SGMS1: variants seen among roughly 807,000 people sequenced by gnomAD.
SGMS1 encodes phosphatidylcholine:ceramide cholinephosphotransferase 1.
A neutral mutation model predicts 46.2 loss-of-function variants in SGMS1; 13 were observed. That is an observed-to-expected ratio of 0.28 (90% CI 0.18 to 0.45). The LOEUF (loss-of-function observed/expected upper bound fraction) is 0.45, where lower values mean the gene tolerates loss of function less well. SGMS1 is among the 20% of genes least tolerant of loss of function. The probability of loss-of-function intolerance (pLI) is 1.00; values close to 1 mark genes in which losing one functional copy is unlikely to be tolerated. For synonymous variants in SGMS1, 203 were observed against 187.8 expected, an observed-to-expected ratio of 1.08 and a Z score of -0.66; for missense variants, 324 against 519.9, an observed-to-expected ratio of 0.62 and a Z score of 3.66.
rs1164223981 is a variant in SGMS1, at chr10:50,307,490, C to T, written c.1063-169G>A. Among the ~76,000 whole-genome samples, 2 of 152,204 alleles carry T rather than the reference C, an allele frequency of 1.3e-5. No homozygotes were observed. The highest frequency in any genetic ancestry group is 2.9e-5 in the Non-Finnish European group (2 of 68,044). ...TCTACACTCCACATTCATCTACAAA[C>T]TGAGCCACATCCCAGTAGAAAAACA... On this transcript the variant is annotated intron_variant, in intron 10 of 10. Transcript: ENST00000361781. This position sits in a 1 kb window ranked among gnomAD's most constrained non-coding sequence, Gnocchi z 4.2.
chr10:50,489,167 G>A (rs1430387115), intron 3 of SGMS1, among the ~76,000 whole-genome samples: 1 of 152,158 alleles, frequency 6.6e-6, no homozygotes, highest in Admixed American at 6.6e-5. Flanking sequence ...TTTAATTATT[G>A]AAGTGGGCAT....
chr10:50,355,605 CGT>C (rs1491115870), intron 6 of SGMS1, among the ~76,000 whole-genome samples: 1 of 152,126 alleles, frequency 6.6e-6, no homozygotes, highest in African/African-American at 2.4e-5. Context: ...AGTGCAGTGG[CGT>C]GATCTCGGCT....
In SGMS1 at chr10:50,344,231, C is replaced by G. The variant is rs1240913587; in HGVS notation, c.-117G>C. The G allele has an allele frequency of 2.2e-6, 3 of 1,384,242 alleles. No homozygotes were observed. The highest frequency in any genetic ancestry group is 2.9e-6 in the Non-Finnish European group (3 of 1,037,120). The allele number at this position is 1,384,242 out of a possible 1,614,324, so 85.7% of individuals were successfully genotyped here. On this transcript the variant is annotated 5_prime_UTR_variant, in exon 7 of 11. Transcript: ENST00000361781. The stretch of plus-strand genomic sequence containing the variant: ...CGTTCATCCTGTGGGGCCTCATGAG[C>G]AGAGACTTGTTTGGCAAGATGGTCA...
At chr10:50,546,156 T>C (rs1013723217) in intron 2 of SGMS1, among the ~76,000 whole-genome samples, 90 of 152,116 alleles carry the variant, frequency 5.9e-4, no homozygotes, top group Non-Finnish European at 5.3e-4. Flanking sequence ...TTGGTGATTC[T>C]GTTGGTTGGA....
At chr10:50,606,649 A>G (rs1197510447) in intron 1 of SGMS1, among the ~76,000 whole-genome samples, 1 of 152,260 alleles carries the variant, frequency 6.6e-6, no homozygotes, top group African/African-American at 2.4e-5. Context: ...CTTCAGTCTC[A>G]GTCTGGAAAG....
intron 8 of SGMS1, among the ~76,000 whole-genome samples, chr10:50,323,196 G>C (rs1318812076): frequency 6.6e-6 from 1 of 152,100 alleles, no homozygotes; most frequent in Admixed American, 6.5e-5. Flanking sequence ...TGAACAATAA[G>C]ACCAATTTTT....
intron 8 of SGMS1, among the ~76,000 whole-genome samples, chr10:50,315,789 A>G (rs1847328909): frequency 6.6e-6 from 1 of 152,244 alleles, no homozygotes; most frequent in Non-Finnish European, 1.5e-5. Context: ...AAAGTCTCAT[A>G]TCTACACCAC....
intron 3 of SGMS1, among the ~76,000 whole-genome samples, chr10:50,469,040 A>T (rs2133698506): frequency 6.6e-6 from 1 of 152,338 alleles, no homozygotes; most frequent in Non-Finnish European, 1.5e-5. Context: ...CATTAGGCTC[A>T]TAACAGAGGT....
At position 50,305,786 on chromosome 10, in the gene SGMS1, T is replaced by C. The variant is rs1589377637; in HGVS notation, c.*1356A>G. Reference sequence around the variant, plus strand: ...TACAATACAAATATCACCTTGTGAATACACAAAAAAATCCTACGGAAGATA... The same window carrying C: ...TACAATACAAATATCACCTTGTGAACACACAAAAAAATCCTACGGAAGATA... On this transcript the variant is annotated 3_prime_UTR_variant, in exon 11 of 11. Transcript: ENST00000361781. The C allele has an allele frequency of 2.6e-5, 4 of 152,818 alleles. No individual in the cohort carries two copies. In the South Asian group the frequency reaches 8.3e-4, roughly 32 times the overall value. 9.5% of individuals were successfully genotyped at this position (152,818 alleles called of 1,614,324 possible). A position where few individuals can be genotyped will look rare whatever the true frequency, so the allele number is the denominator to read the frequency against.
intron 6 of SGMS1, among the ~76,000 whole-genome samples, chr10:50,431,924 G>C (rs1265326142): frequency 1.3e-5 from 2 of 152,174 alleles, no homozygotes; most frequent in Non-Finnish European, 2.9e-5. Context: ...CAGTTATGAA[G>C]CTGAGTCAAC....
intron 5 of SGMS1, among the ~76,000 whole-genome samples, chr10:50,439,746 C>A (rs965021326): frequency 2.6e-5 from 4 of 152,098 alleles, no homozygotes; most frequent in Admixed American, 6.5e-5. Context: ...TCTGAGTAAA[C>A]TGAAATGCTC....
At chr10:50,366,335 G>A (rs1291832285) in intron 6 of SGMS1, among the ~76,000 whole-genome samples, 2 of 152,118 alleles carry the variant, frequency 1.3e-5, no homozygotes, top group Admixed American at 6.6e-5. Flanking sequence ...AAATATAAAC[G>A]CTTTTACACT....
At chr10:50,354,918 A>T (rs9416516) in intron 6 of SGMS1, among the ~76,000 whole-genome samples, 1 of 151,840 alleles carries the variant, frequency 6.6e-6, no homozygotes. Context: ...GTTAGAATGG[A>T]GATCATTAAA....
intron 6 of SGMS1, among the ~76,000 whole-genome samples, chr10:50,401,103 C>T (rs989872943): frequency 9.8e-5 from 15 of 152,312 alleles, no homozygotes; most frequent in African/African-American, 3.6e-4. Context: ...TTATCTGACA[C>T]TTGAGCCAGC....
At chr10:50,454,673 AT>A (rs1050098054) in intron 5 of SGMS1, among the ~76,000 whole-genome samples, 3 of 152,176 alleles carry the variant, frequency 2.0e-5, no homozygotes, top group Non-Finnish European at 4.4e-5. Context: ...ATTTATTATT[AT>A]TTTACAATTC....
At chr10:50,480,459 C>A (rs1460659669) in intron 3 of SGMS1, among the ~76,000 whole-genome samples, 1 of 152,018 alleles carries the variant, frequency 6.6e-6, no homozygotes, top group African/African-American at 2.4e-5. Flanking sequence ...CTCACTGGGA[C>A]TGACTAGGTA....
intron 2 of SGMS1, among the ~76,000 whole-genome samples, chr10:50,567,549 G>A (rs1838299525): frequency 6.6e-6 from 1 of 152,152 alleles, no homozygotes; most frequent in Admixed American, 6.5e-5. Context: ...CTGCCACCTG[G>A]CAACGAGGAA....
chr10:50,350,085 A>T (rs1458229439), intron 6 of SGMS1, among the ~76,000 whole-genome samples: 3 of 152,342 alleles, frequency 2.0e-5, no homozygotes, highest in Non-Finnish European at 4.4e-5. Context: ...TAGCAATATG[A>T]ACAATAAGGT....
chr10:50,520,955 G>A (rs1443907889), intron 2 of SGMS1, among the ~76,000 whole-genome samples: 1 of 150,878 alleles, frequency 6.6e-6, no homozygotes, highest in Non-Finnish European at 1.5e-5. Context: ...GCATAATCAT[G>A]GCTCACTGCA....
Sources: allele counts gnomAD v4.1 joint callset (sites outside exome capture counted in the v4.1 genomes callset), GRCh38; gene constraint gnomAD v4.1.1; non-coding constraint Gnocchi (gnomAD v3.1); transcripts MANE v1.5; gene names NCBI Gene and HGNC (gene_info 2026-07-23, HGNC 2026-07-21).